The following NRXN1 variants were observed in gnomAD, a reference collection of about 807,000 sequenced individuals.
NRXN1 encodes the protein neurexin-1.
NRXN1 carries 39 observed loss-of-function variants against 150.9 expected under a neutral mutation model. That is an observed-to-expected ratio of 0.26 (90% CI 0.20 to 0.34). NRXN1 has a LOEUF of 0.34. Ranked by LOEUF, NRXN1 falls within the 10% of genes least tolerant of loss-of-function variation. NRXN1 has a pLI of 1.00. For synonymous variants in NRXN1, 924 were observed against 757.0 expected (o/e 1.22, Z -3.62); for missense variants, 1,815 against 1,949.9 (o/e 0.93, Z 1.30).
intron 21 of NRXN1, among the ~76,000 whole-genome samples, chr2:50,024,354 G>A (rs1326051887): frequency 1.3e-5 from 2 of 152,128 alleles, no homozygotes; most frequent in Non-Finnish European, 2.9e-5. Context: ...CATCTTACAT[G>A]TAGAAGTACC....
At chr2:50,017,259 C>A (rs1686801908) in intron 21 of NRXN1, among the ~76,000 whole-genome samples, 1 of 152,108 alleles carries the variant, frequency 6.6e-6, no homozygotes, top group South Asian at 2.1e-4. Flanking sequence ...ACTCTATGTC[C>A]TCTGCCACAA....
chr2:50,492,605 G>A (rs1428866509), intron 15 of NRXN1, among the ~76,000 whole-genome samples: 1 of 152,136 alleles, frequency 6.6e-6, no homozygotes, highest in Non-Finnish European at 1.5e-5. Flanking sequence ...AAACGGAGCA[G>A]GTTGAGGTTT....
At chr2:50,471,072 T>C (rs1407879604) in intron 16 of NRXN1, among the ~76,000 whole-genome samples, 3 of 151,896 alleles carry the variant, frequency 2.0e-5, no homozygotes, top group Non-Finnish European at 4.4e-5. Context: ...TATATGCTAT[T>C]GGATATAGAT....
chr2:50,212,877 G>C (rs900375757), intron 18 of NRXN1, among the ~76,000 whole-genome samples: 4 of 151,914 alleles, frequency 2.6e-5, no homozygotes, highest in African/African-American at 4.8e-5. Flanking sequence ...CCAGTTGCAA[G>C]TCATTATGAT....
intron 5 of NRXN1, among the ~76,000 whole-genome samples, chr2:50,712,958 T>A (rs1272436633): frequency 6.6e-6 from 1 of 152,234 alleles, no homozygotes; most frequent in African/African-American, 2.4e-5. Flanking sequence ...TTACATATTT[T>A]GTTTCCCAGT....
intron 19 of NRXN1, among the ~76,000 whole-genome samples, chr2:50,070,696 G>T (rs1440730932): frequency 2.0e-5 from 3 of 150,586 alleles, no homozygotes; most frequent in South Asian, 2.1e-4. Flanking sequence ...CGTGAACCCG[G>T]GAGGCGGAGC....
chr2:49,998,943 C>A (rs1683453204), intron 21 of NRXN1, among the ~76,000 whole-genome samples: 1 of 152,110 alleles, frequency 6.6e-6, no homozygotes, highest in African/African-American at 2.4e-5. Context: ...CCAAACAAAG[C>A]AAGACATTCC....
At chr2:50,962,353 T>G (rs953140138) in intron 2 of NRXN1, among the ~76,000 whole-genome samples, 2 of 151,728 alleles carry the variant, frequency 1.3e-5, no homozygotes, top group Non-Finnish European at 3.0e-5. Context: ...GTTTCTTTTT[T>G]AGTAGTTGCT....
chr2:50,393,021 A>T (rs1002431490), intron 17 of NRXN1, among the ~76,000 whole-genome samples: 4 of 152,076 alleles, frequency 2.6e-5, no homozygotes, highest in Non-Finnish European at 5.9e-5. Flanking sequence ...AAAGAAGAAA[A>T]AGGGGAGAAC....
At chr2:50,208,861 G>A (rs1255518067) in intron 18 of NRXN1, among the ~76,000 whole-genome samples, 1 of 151,976 alleles carries the variant, frequency 6.6e-6, no homozygotes, top group Non-Finnish European at 1.5e-5. Context: ...AAAACATTTG[G>A]GTCTTGTTCA....
At chr2:50,509,082 A>G (rs964997926) in intron 12 of NRXN1, among the ~76,000 whole-genome samples, 1 of 152,132 alleles carries the variant, frequency 6.6e-6, no homozygotes, top group Non-Finnish European at 1.5e-5. Context: ...TAATCTGCAG[A>G]TGTGAAACTG....
intron 2 of NRXN1, among the ~76,000 whole-genome samples, chr2:50,996,505 G>C (rs1315681697): frequency 6.6e-6 from 1 of 152,002 alleles, no homozygotes; most frequent in Admixed American, 6.6e-5. Context: ...TATTTAATTA[G>C]TGTCAAAGAC....
intron 8 of NRXN1, among the ~76,000 whole-genome samples, chr2:50,582,087 G>A (rs1191314638): frequency 6.6e-6 from 1 of 152,052 alleles, no homozygotes; most frequent in Non-Finnish European, 1.5e-5. Flanking sequence ...ATTTAGTTTT[G>A]TTAATAACCG....
rs1221728357 is a variant in NRXN1, at chr2:50,064,796, C to CA, written c.3719-9753dup. ...GAAAGCAACATTCATTTAACCAAGG[C>CA]AAAAATGATACAAAGTTGAAGCTTA... On this transcript the variant is annotated intron_variant, in intron 19 of 22. Coordinates refer to ENST00000401669, the MANE Select transcript of NRXN1 (RefSeq NM_001330078.2). 5.9e-5 allele frequency among the ~76,000 whole-genome samples: 9 copies of CA among 152,156 alleles called. No individual in the cohort carries two copies. In the East Asian group the frequency reaches 1.7e-3, roughly 29 times the overall value.
chr2:50,057,981 A>G (rs1693910790), intron 19 of NRXN1, among the ~76,000 whole-genome samples: 1 of 152,134 alleles, frequency 6.6e-6, no homozygotes, highest in African/African-American at 2.4e-5. Context: ...TTGGGGAAAA[A>G]AAGGTCTAAA....
intron 21 of NRXN1, among the ~76,000 whole-genome samples, chr2:49,950,580 G>C (rs1041012461): frequency 6.6e-6 from 1 of 151,904 alleles, no homozygotes; most frequent in South Asian, 2.1e-4. Context: ...TTCTCTCTCT[G>C]TTCTGAGGCA....
intron 8 of NRXN1, among the ~76,000 whole-genome samples, chr2:50,565,301 T>C (rs942387688): frequency 3.3e-5 from 5 of 151,570 alleles, no homozygotes; most frequent in African/African-American, 1.2e-4. Context: ...AGAAAGAAAA[T>C]AGTCTCATGT....
chr2:50,770,051 T>C (rs1486311016), intron 5 of NRXN1, among the ~76,000 whole-genome samples: 3 of 152,078 alleles, frequency 2.0e-5, no homozygotes, highest in Non-Finnish European at 4.4e-5. Context: ...AGAAGAACTT[T>C]CAATCCAATG....
In NRXN1 at chr2:50,187,522, T is replaced by C. The variant is rs545678759; in HGVS notation, c.3546+49267A>G. 1.9e-4 allele frequency among the ~76,000 whole-genome samples: 29 copies of C among 152,274 alleles called. No individual in the cohort carries two copies. The East Asian group carries it at 2.9e-3, about 15-fold the overall frequency. On this transcript the variant is annotated intron_variant, in intron 18 of 22. Transcript: ENST00000401669. ...AGTGGTAGTTTGAAATCAGGTAGCA[T>C]GATGCCTCCAGCTTTGTTCTTTTTG... is the stretch of plus-strand genomic sequence containing the variant.
Sources: allele counts gnomAD v4.1 joint callset (sites outside exome capture counted in the v4.1 genomes callset), GRCh38; gene constraint gnomAD v4.1.1; transcripts MANE v1.5; gene names NCBI Gene and HGNC (gene_info 2026-07-23, HGNC 2026-07-21).